SLC35F1: variants seen among roughly 807,000 people sequenced by gnomAD.
The protein encoded by SLC35F1 is solute carrier family 35 member F1, also known as chromosome 6 open reading frame 169.
SLC35F1 carries 14 observed loss-of-function variants against 48.7 expected under a neutral mutation model. The ratio of observed to expected loss-of-function variants is 0.29; its 90% CI spans 0.19 to 0.45. SLC35F1 has a LOEUF of 0.45. SLC35F1 is among the 20% of genes least tolerant of loss of function. The probability of loss-of-function intolerance (pLI) is 1.00; values close to 1 mark genes in which losing one functional copy is unlikely to be tolerated. For synonymous variants in SLC35F1, 190 were observed against 202.2 expected, an observed-to-expected ratio of 0.94 and a Z score of 0.51; for missense variants, 404 against 500.0, an observed-to-expected ratio of 0.81 and a Z score of 1.83.
At chr6:118,082,828 C>T (rs1342426842) in intron 1 of SLC35F1, among the ~76,000 whole-genome samples, 1 of 152,064 alleles carries the variant, frequency 6.6e-6, no homozygotes, top group East Asian at 1.9e-4. Context: ...TTGCATAGTC[C>T]AAATCTCAGG....
chr6:118,159,160 G>A (rs1273498143), intron 2 of SLC35F1, among the ~76,000 whole-genome samples: 1 of 136,594 alleles, frequency 7.3e-6, no homozygotes, highest in Non-Finnish European at 1.5e-5. Context: ...GGCAGAGCTT[G>A]CAGTGAGCAG....
intron 2 of SLC35F1, among the ~76,000 whole-genome samples, chr6:118,170,360 A>G (rs373787231): frequency 3.9e-5 from 6 of 152,244 alleles, no homozygotes; most frequent in African/African-American, 1.4e-4. Context: ...TAATATGTTT[A>G]TATGCTAAAT....
intron 3 of SLC35F1, among the ~76,000 whole-genome samples, chr6:118,239,403 C>T (rs139744254): frequency 2.6e-4 from 39 of 151,426 alleles, no homozygotes; most frequent in Non-Finnish European, 5.6e-4. Context: ...AGCTTCACAC[C>T]AAAACTGGAC....
chr6:117,924,527 A>ATATGTATATACGTAT (rs1776003464), intron 1 of SLC35F1, among the ~76,000 whole-genome samples: 2 of 90,848 alleles, frequency 2.2e-5, no homozygotes, highest in African/African-American at 1.1e-4. Flanking sequence ...TATATATGTC[A>ATATGTATATACGTAT]AGTTCCATTC....
intron 1 of SLC35F1, among the ~76,000 whole-genome samples, chr6:118,058,065 G>C (rs942386371): frequency 5.3e-5 from 8 of 151,938 alleles, no homozygotes; most frequent in African/African-American, 1.9e-4. Flanking sequence ...TATCCCCTGG[G>C]GTGAAGGAAG....
chr6:118,289,522 A>G (rs1240028435), intron 7 of SLC35F1, among the ~76,000 whole-genome samples: 1 of 152,312 alleles, frequency 6.6e-6, no homozygotes, highest in African/African-American at 2.4e-5. Flanking sequence ...CATTGGTACC[A>G]TTTTAGAGTG....
chr6:117,997,981 A>T (rs1373765924), intron 1 of SLC35F1, among the ~76,000 whole-genome samples: 1 of 150,654 alleles, frequency 6.6e-6, no homozygotes, highest in Non-Finnish European at 1.5e-5. Flanking sequence ...CAGACTGGCA[A>T]ATTGGATAAA....
At chr6:117,968,005 T>A (rs2114840822) in intron 1 of SLC35F1, among the ~76,000 whole-genome samples, 1 of 152,316 alleles carries the variant, frequency 6.6e-6, no homozygotes, top group Non-Finnish European at 1.5e-5. Flanking sequence ...TTTATTTTAT[T>A]TCTAAAATAA....
chr6:118,013,585 G>T (rs1777280211), intron 1 of SLC35F1, among the ~76,000 whole-genome samples: 1 of 152,170 alleles, frequency 6.6e-6, no homozygotes, highest in Non-Finnish European at 1.5e-5. Flanking sequence ...CTTTTGTGAG[G>T]CTATGCTAAT....
intron 1 of SLC35F1, among the ~76,000 whole-genome samples, chr6:117,924,573 G>T (rs763905086): frequency 9.9e-5 from 13 of 131,140 alleles, no homozygotes; most frequent in Non-Finnish European, 1.8e-4. Flanking sequence ...TATATTTAAA[G>T]TTTCTGTTAA....
chr6:118,295,330 T>C (rs1776171192), intron 7 of SLC35F1, among the ~76,000 whole-genome samples: 1 of 152,208 alleles, frequency 6.6e-6, no homozygotes, highest in Non-Finnish European at 1.5e-5. Flanking sequence ...TAACTTTTTA[T>C]TTATAAGTGA....
chr6:117,993,886 C>T (rs1181788002), intron 1 of SLC35F1, among the ~76,000 whole-genome samples: 1 of 152,186 alleles, frequency 6.6e-6, no homozygotes, highest in East Asian at 1.9e-4. Context: ...TCTATCACTG[C>T]CATAGCAAAT....
chr6:118,099,542 A>T (rs1452755772), intron 1 of SLC35F1, among the ~76,000 whole-genome samples: 6 of 149,918 alleles, frequency 4.0e-5, no homozygotes, highest in South Asian at 4.2e-4. Flanking sequence ...TCCCCCCAAG[A>T]ATTCCTATAC....
At chr6:118,290,429 C>T (rs376875) in intron 7 of SLC35F1, among the ~76,000 whole-genome samples, 84,437 of 151,324 alleles carry the variant, frequency 0.56, 23,858 homozygotes, top group Middle Eastern at 0.61. Flanking sequence ...TTGTACTTAA[C>T]TGATACCACA....
chr6:118,198,555 G>A (rs574336926), intron 2 of SLC35F1, among the ~76,000 whole-genome samples: 17 of 152,140 alleles, frequency 1.1e-4, no homozygotes, highest in African/African-American at 4.1e-4. Context: ...TAAAATAACC[G>A]CTTCGTATTG....
chr6:117,933,279 T>A, intron 1 of SLC35F1, among the ~76,000 whole-genome samples: 1 of 152,182 alleles, frequency 6.6e-6, no homozygotes, highest in East Asian at 1.9e-4. Context: ...TAAACTCCCC[T>A]CCCTACTGTT....
In SLC35F1 at chr6:118,085,556, G is replaced by C. The variant is rs1177860170; in HGVS notation, c.174-68889G>C. On this transcript the variant is annotated intron_variant, in intron 1 of 7. Coordinates refer to ENST00000360388, the MANE Select transcript of SLC35F1 (RefSeq NM_001029858.4). ...TCTGTCTCCCAGGCTGGAGTTCAGTGGTGTGATCTTGGCTCACTGCAACCT... is the reference window on the plus strand; with the variant it reads ...TCTGTCTCCCAGGCTGGAGTTCAGTCGTGTGATCTTGGCTCACTGCAACCT... Among the ~76,000 whole-genome samples, 9 of 121,548 alleles carry C rather than the reference G, an allele frequency of 7.4e-5. No individual in the cohort carries two copies. In the East Asian group the frequency reaches 2.5e-3, roughly 33 times the overall value. The allele number at this position is 121,548 out of a possible 152,430, so 79.7% of individuals were successfully genotyped here.
chr6:118,020,381 A>G (rs1777378075), intron 1 of SLC35F1, among the ~76,000 whole-genome samples: 1 of 152,204 alleles, frequency 6.6e-6, no homozygotes, highest in Non-Finnish European at 1.5e-5. Flanking sequence ...TCGAGGCTGC[A>G]CAGTCAGTGT....
At chr6:118,099,058 G>C (rs1214355771) in intron 1 of SLC35F1, among the ~76,000 whole-genome samples, 1 of 152,210 alleles carries the variant, frequency 6.6e-6, no homozygotes, top group Non-Finnish European at 1.5e-5. Flanking sequence ...TTTACATGAA[G>C]GGGAATTCAG....
Sources: allele counts gnomAD v4.1 joint callset (sites outside exome capture counted in the v4.1 genomes callset), GRCh38; gene constraint gnomAD v4.1.1; transcripts MANE v1.5; gene names NCBI Gene and HGNC (gene_info 2026-07-23, HGNC 2026-07-21).